The following PRELID2 variants were observed in gnomAD, a reference collection of about 807,000 sequenced individuals.
The protein encoded by PRELID2 is PRELI domain containing 2, also known as PRELI domain-containing protein 2.
A neutral mutation model predicts 28.4 loss-of-function variants in PRELID2; 25 were observed. The ratio of observed to expected loss-of-function variants is 0.88; its 90% CI spans 0.64 to 1.23. The LOEUF is 1.23. Among genes scored for constraint, PRELID2 ranks in the 50% most tolerant of loss-of-function variants. PRELID2 has a pLI of 0.00. For synonymous variants in PRELID2, 76 were observed against 71.6 expected (o/e 1.06, Z -0.31); for missense variants, 201 against 214.4 (o/e 0.94, Z 0.39).
At chr5:145,808,152 G>T (rs543361297) in intron 4 of PRELID2, among the ~76,000 whole-genome samples, 1 of 152,262 alleles carries the variant, frequency 6.6e-6, no homozygotes, top group Admixed American at 6.5e-5. Flanking sequence ...GACGAATACA[G>T]TAGTATTTAT....
intron 4 of PRELID2, among the ~76,000 whole-genome samples, chr5:145,808,457 G>T (rs1753681429): frequency 6.6e-6 from 1 of 152,148 alleles, no homozygotes; most frequent in Non-Finnish European, 1.5e-5. Context: ...TGATTTTTCA[G>T]ATGAACACTT....
chr5:145,445,680 A>T, the PRELID2 span, among the ~76,000 whole-genome samples: 1 of 151,978 alleles, frequency 6.6e-6, no homozygotes, highest in Non-Finnish European at 1.5e-5. Flanking sequence ...ACAGCAAAAA[A>T]ATTAATAAAT....
At chr5:145,620,580 A>T (rs1315573050) in intron 1 of PRELID2, among the ~76,000 whole-genome samples, 2 of 152,070 alleles carry the variant, frequency 1.3e-5, no homozygotes, top group African/African-American at 2.4e-5. Context: ...AATTTTTTTT[A>T]AAAAGTCCAG....
intron 1 of PRELID2, among the ~76,000 whole-genome samples, chr5:145,687,460 G>A (rs1460055832): frequency 6.6e-6 from 1 of 152,142 alleles, no homozygotes; most frequent in Non-Finnish European, 1.5e-5. Flanking sequence ...ACTTATTCTT[G>A]AATAAAGACA....
intron 1 of PRELID2, among the ~76,000 whole-genome samples, chr5:145,492,532 A>C (rs1486047966): frequency 2.1e-5 from 3 of 140,998 alleles, no homozygotes; most frequent in African/African-American, 7.5e-5. Context: ...ATATAATCCC[A>C]TTTGTCTATT....
At position 145,644,147 on chromosome 5, in the gene PRELID2, C is replaced by CT. The variant is rs1561529719; in HGVS notation, n.70+120783dup. On this transcript the variant is annotated intron_variant and non_coding_transcript_variant, in intron 1 of 2. Coordinates refer to the PRELID2 transcript ENST00000510259. ...GGCTGTGAATCCATCTGGTCCTGAACTTTTTTTGGTTGGTAGGCTATTAAT... is the reference window on the plus strand; with the variant it reads ...GGCTGTGAATCCATCTGGTCCTGAACTTTTTTTTGGTTGGTAGGCTATTAAT... 2.0e-5 allele frequency among the ~76,000 whole-genome samples: 3 copies of CT among 152,076 alleles called. No individual in the cohort carries two copies. The South Asian group carries it at 6.2e-4, about 32-fold the overall frequency.
At chr5:145,775,750 T>G (rs1227144789) in intron 5 of PRELID2, among the ~76,000 whole-genome samples, 2 of 152,220 alleles carry the variant, frequency 1.3e-5, no homozygotes, top group African/African-American at 4.8e-5. Flanking sequence ...AAGTACAAGG[T>G]TAGCCAGAGT....
chr5:145,229,447 C>T, the PRELID2 span: 1 of 835,502 alleles, frequency 1.2e-6, no homozygotes, highest in Non-Finnish European at 2.0e-6. Flanking sequence ...ACACAAAGAT[C>T]CAGGACCCAG....
intron 5 of PRELID2, among the ~76,000 whole-genome samples, chr5:145,771,061 C>G (rs956911243): frequency 2.0e-5 from 3 of 152,178 alleles, no homozygotes; most frequent in African/African-American, 7.2e-5. Context: ...GACTCGCCCA[C>G]CCAGAGCAAC....
chr5:145,372,882 TGA>T, the PRELID2 span, among the ~76,000 whole-genome samples: 1 of 96,698 alleles, frequency 1.0e-5, no homozygotes, highest in Non-Finnish European at 2.0e-5. Flanking sequence ...ATAATATATA[TGA>T]TATTATATAT....
At chr5:145,377,973 T>C in the PRELID2 span, among the ~76,000 whole-genome samples, 1 of 152,240 alleles carries the variant, frequency 6.6e-6, no homozygotes, top group Non-Finnish European at 1.5e-5. Context: ...ACAACTCTTG[T>C]AAGGCAGTTC....
intron 1 of PRELID2, among the ~76,000 whole-genome samples, chr5:145,655,718 T>C (rs1029835366): frequency 6.6e-6 from 1 of 152,150 alleles, no homozygotes; most frequent in African/African-American, 2.4e-5. Flanking sequence ...TGATGCTAGA[T>C]CCCTTCCTCA....
At chr5:145,257,234 A>T in the PRELID2 span, among the ~76,000 whole-genome samples, 1 of 152,016 alleles carries the variant, frequency 6.6e-6, no homozygotes, top group Admixed American at 6.5e-5. Context: ...AGAGTACATG[A>T]GTCAGCAGAG....
intron 1 of PRELID2, among the ~76,000 whole-genome samples, chr5:145,644,010 G>A (rs1581023006): frequency 6.6e-6 from 1 of 152,312 alleles, no homozygotes; most frequent in East Asian, 1.9e-4. Context: ...TTTGGTATCA[G>A]GATGATGCTG....
At chr5:145,424,958 G>C in the PRELID2 span, among the ~76,000 whole-genome samples, 1 of 151,948 alleles carries the variant, frequency 6.6e-6, no homozygotes, top group African/African-American at 2.4e-5. Context: ...CACAGCAAAA[G>C]AAACTATCAT....
intron 5 of PRELID2, among the ~76,000 whole-genome samples, chr5:145,776,798 T>C (rs1758437152): frequency 6.6e-6 from 1 of 152,256 alleles, no homozygotes; most frequent in South Asian, 2.1e-4. Flanking sequence ...GGGAGTGTTC[T>C]TGGTTAATCC....
At chr5:145,573,724 C>A (rs947024982) in intron 1 of PRELID2, among the ~76,000 whole-genome samples, 1 of 152,116 alleles carries the variant, frequency 6.6e-6, no homozygotes, top group African/African-American at 2.4e-5. Flanking sequence ...GTATATGTGC[C>A]ACATTTTCTT....
chr5:145,520,384 T>C (rs920896145), intron 1 of PRELID2, among the ~76,000 whole-genome samples: 1 of 152,198 alleles, frequency 6.6e-6, no homozygotes. Context: ...TCCTTGCACT[T>C]GCCAAGCTTC....
chr5:145,438,899 T>C, the PRELID2 span, among the ~76,000 whole-genome samples: 32 of 152,280 alleles, frequency 2.1e-4, no homozygotes, highest in African/African-American at 7.5e-4. Context: ...GTCTGTTGCA[T>C]GCTGATTTCT....
Sources: allele counts gnomAD v4.1 joint callset (sites outside exome capture counted in the v4.1 genomes callset), GRCh38; gene constraint gnomAD v4.1.1; transcripts MANE v1.5; gene names NCBI Gene and HGNC (gene_info 2026-07-23, HGNC 2026-07-21).